NFIB: variants seen among roughly 807,000 people sequenced by gnomAD.
NFIB encodes the protein nuclear factor I B, also known as nuclear factor 1 B-type.
Under a neutral mutation model 61.5 loss-of-function variants are expected in NFIB, and 11 were observed. The observed-to-expected ratio is 0.18, with a 90% CI of 0.11 to 0.30. The LOEUF is 0.30. Among genes scored for constraint, NFIB ranks in the 10% least tolerant of loss-of-function variants. The pLI is 1.00. For synonymous variants in NFIB, 260 were observed against 216.5 expected (o/e 1.20, Z -1.76); for missense variants, 471 against 608.9 (o/e 0.77, Z 2.38).
the NFIB span, among the ~76,000 whole-genome samples, chr9:14,511,521 T>C: frequency 1.1e-4 from 12 of 104,588 alleles, no homozygotes; most frequent in African/African-American, 3.7e-4. Context: ...TGTATGTTAA[T>C]TGTATGAGTT....
At chr9:14,212,038 G>A (rs868090121) in intron 2 of NFIB, among the ~76,000 whole-genome samples, 23 of 152,284 alleles carry the variant, frequency 1.5e-4, no homozygotes, top group Middle Eastern at 3.4e-3. Context: ...ATGCAAATAC[G>A]TTGCCATTTA....
chr9:14,094,238 A>G (rs912533361), intron 10 of NFIB: 2 of 152,048 alleles, frequency 1.3e-5, no homozygotes, highest in Non-Finnish European at 2.9e-5. Flanking sequence ...TTATATTATC[A>G]CTGAATTATG....
chr9:14,338,701 G>C (rs1402026498), intron 1 of NFIB, among the ~76,000 whole-genome samples: 1 of 151,954 alleles, frequency 6.6e-6, no homozygotes, highest in Non-Finnish European at 1.5e-5. Flanking sequence ...AATACATTAG[G>C]GTTTTCTCTT....
At position 14,084,406 on chromosome 9, in the gene NFIB, C is replaced by T. The variant is rs1449649674; in HGVS notation, c.*3903G>A. 1 of 224,518 alleles carries T rather than the reference C, an allele frequency of 4.5e-6. No homozygotes were observed. Among genetic ancestry groups the T allele is most frequent in the Non-Finnish European group, 8.9e-6 (1 of 112,400 alleles). 13.9% of individuals were successfully genotyped at this position (224,518 alleles called of 1,614,324 possible). On this transcript the variant is annotated 3_prime_UTR_variant, in exon 11 of 11. Transcript: ENST00000380953. ...CTCGCTACTTGCAGCTTCACAGATT[C>T]ATTCACATATTTTTTAATGGAGCTG...
intron 10 of NFIB, among the ~76,000 whole-genome samples, chr9:14,090,137 T>C (rs1277915679): frequency 6.7e-6 from 1 of 148,164 alleles, no homozygotes; most frequent in Non-Finnish European, 1.5e-5. Context: ...TGTTGTGATT[T>C]GATCCCCTAT....
chr9:14,385,598 C>T (rs2061540454), intron 1 of NFIB, among the ~76,000 whole-genome samples: 1 of 152,054 alleles, frequency 6.6e-6, no homozygotes, highest in Non-Finnish European at 1.5e-5. Context: ...GAAAAAAACC[C>T]ACCAATATTC....
At chr9:14,520,150 A>C in the NFIB span, among the ~76,000 whole-genome samples, 1 of 151,948 alleles carries the variant, frequency 6.6e-6, no homozygotes, top group Non-Finnish European at 1.5e-5. Context: ...TAAAAATTTC[A>C]GGGAAAAAAA....
intron 1 of NFIB, among the ~76,000 whole-genome samples, chr9:14,332,791 G>A (rs1049621748): frequency 1.3e-5 from 2 of 152,200 alleles, no homozygotes; most frequent in East Asian, 3.8e-4. Flanking sequence ...CTAGTGTGGA[G>A]GAGAGAGACG....
chr9:14,201,220 C>T (rs139593743), intron 2 of NFIB, among the ~76,000 whole-genome samples: 2 of 152,322 alleles, frequency 1.3e-5, no homozygotes, highest in African/African-American at 2.4e-5. Flanking sequence ...CACAACACTT[C>T]ACTCCTTAAA....
At chr9:14,455,695 G>A in the NFIB span, among the ~76,000 whole-genome samples, 1 of 152,182 alleles carries the variant, frequency 6.6e-6, no homozygotes, top group Admixed American at 6.5e-5. Flanking sequence ...ATCAAAAAAA[G>A]GGCAATTAAC....
chr9:14,240,693 T>C (rs879431552), intron 2 of NFIB, among the ~76,000 whole-genome samples: 1 of 152,182 alleles, frequency 6.6e-6, no homozygotes, highest in African/African-American at 2.4e-5. Context: ...TAAAGTACCA[T>C]GGTCAAAAAC....
intron 10 of NFIB, chr9:14,102,660 T>C (rs1473926947): frequency 1.8e-6 from 1 of 570,076 alleles, no homozygotes; most frequent in South Asian, 5.5e-5. Context: ...CAAAAAAAAA[T>C]CTTATTCTTG....
intron 1 of NFIB, among the ~76,000 whole-genome samples, chr9:14,346,907 G>A (rs2061030300): frequency 6.6e-6 from 1 of 152,042 alleles, no homozygotes; most frequent in African/African-American, 2.4e-5. Context: ...CCGCTGCATC[G>A]ACAGCTTCGG....
intron 2 of NFIB, among the ~76,000 whole-genome samples, chr9:14,219,381 T>TAAAAAAAAAAAAAAAAA (rs751279935): frequency 2.7e-5 from 2 of 73,502 alleles, no homozygotes; most frequent in African/African-American, 5.6e-5. Flanking sequence ...AGCACTAGGG[T>TAAAAAAAAAAAAAAAAA]AAAAAAAAAA....
the NFIB span, among the ~76,000 whole-genome samples, chr9:14,482,293 A>G: frequency 6.6e-6 from 1 of 152,174 alleles, no homozygotes; most frequent in African/African-American, 2.4e-5. Flanking sequence ...GACCAAGGGC[A>G]TAGTTAGCCA....
intron 1 of NFIB, among the ~76,000 whole-genome samples, chr9:14,380,629 A>C (rs2061476439): frequency 3.3e-5 from 5 of 152,096 alleles, no homozygotes; most frequent in Admixed American, 3.3e-4. Flanking sequence ...ATCCAAAAAA[A>C]ATGTTGTTCT....
intron 1 of NFIB, among the ~76,000 whole-genome samples, chr9:14,312,039 C>A (rs1261811300): frequency 6.6e-6 from 1 of 152,196 alleles, no homozygotes; most frequent in Non-Finnish European, 1.5e-5. Flanking sequence ...CTCAGCAACT[C>A]ATTTTTCCAG....
At chr9:14,192,686 A>C (rs1333480928) in intron 2 of NFIB, among the ~76,000 whole-genome samples, 1 of 152,136 alleles carries the variant, frequency 6.6e-6, no homozygotes, top group Non-Finnish European at 1.5e-5. Flanking sequence ...CTTCCACTGA[A>C]CAAGTTCCTC....
chr9:14,523,070 T>C, the NFIB span, among the ~76,000 whole-genome samples: 1 of 152,098 alleles, frequency 6.6e-6, no homozygotes, highest in Non-Finnish European at 1.5e-5. Context: ...TATAGAAGGG[T>C]AGTGTCTGGC....
Sources: allele counts gnomAD v4.1 joint callset (sites outside exome capture counted in the v4.1 genomes callset), GRCh38; gene constraint gnomAD v4.1.1; transcripts MANE v1.5; gene names NCBI Gene and HGNC (gene_info 2026-07-23, HGNC 2026-07-21).